Variants in ZBTB7C observed in about 807,000 individuals in gnomAD.
The protein encoded by ZBTB7C is zinc finger and BTB domain-containing protein 7C.
Under a neutral mutation model 25.7 loss-of-function variants are expected in ZBTB7C, and 8 were observed. The observed-to-expected ratio is 0.31, with a 90% CI of 0.18 to 0.56. The LOEUF (loss-of-function observed/expected upper bound fraction) is 0.56. Among genes scored for constraint, ZBTB7C ranks in the 20% least tolerant of loss-of-function variants. The pLI is 0.91. For synonymous variants in ZBTB7C, 394 were observed against 369.0 expected (o/e 1.07, Z -0.78); for missense variants, 824 against 855.2 (o/e 0.96, Z 0.46).
chr18:48,033,931 G>A (rs928924377), intron 4 of ZBTB7C, among the ~76,000 whole-genome samples: 1 of 152,178 alleles, frequency 6.6e-6, no homozygotes, highest in African/African-American at 2.4e-5. Flanking sequence ...GGGTTGGGCT[G>A]CATCCTTGGG....
At chr18:48,351,152 C>A (rs141036724) in intron 1 of ZBTB7C, among the ~76,000 whole-genome samples, 1 of 152,076 alleles carries the variant, frequency 6.6e-6, no homozygotes, top group Non-Finnish European at 1.5e-5. Flanking sequence ...ACACACACTC[C>A]CCACCCCAAG....
chr18:48,179,060 C>T (rs777107371), intron 3 of ZBTB7C, among the ~76,000 whole-genome samples: 4 of 152,174 alleles, frequency 2.6e-5, no homozygotes, highest in Admixed American at 1.3e-4. Flanking sequence ...ACTGCCTTGC[C>T]GTTTCCTTGG....
At chr18:48,317,988 C>A (rs983425490) in intron 2 of ZBTB7C, among the ~76,000 whole-genome samples, 1 of 152,148 alleles carries the variant, frequency 6.6e-6, no homozygotes, top group African/African-American at 2.4e-5. Context: ...TTCCTCACCC[C>A]CTGCCCATCT....
intron 3 of ZBTB7C, among the ~76,000 whole-genome samples, chr18:48,172,270 G>T (rs909870607): frequency 2.0e-5 from 3 of 152,202 alleles, no homozygotes; most frequent in African/African-American, 7.2e-5. Flanking sequence ...GGGAAGATGG[G>T]TCTGCATCAG....
At chr18:48,213,726 T>C (rs2042756423) in intron 2 of ZBTB7C, among the ~76,000 whole-genome samples, 1 of 152,250 alleles carries the variant, frequency 6.6e-6, no homozygotes, top group African/African-American at 2.4e-5. Context: ...CTGACTGTTC[T>C]GACCCCAATG....
chr18:48,050,799 GTC>G (rs941704350), intron 3 of ZBTB7C, among the ~76,000 whole-genome samples: 7 of 152,100 alleles, frequency 4.6e-5, no homozygotes, highest in African/African-American at 1.7e-4. Context: ...AGTCACTCAA[GTC>G]TCTGCTTCAT....
At chr18:48,211,268 A>C (rs2044076291) in intron 2 of ZBTB7C, among the ~76,000 whole-genome samples, 1 of 152,176 alleles carries the variant, frequency 6.6e-6, no homozygotes, top group Non-Finnish European at 1.5e-5. Flanking sequence ...AACCTAGATG[A>C]CCTTGTGTAT....
chr18:48,269,625 A>T (rs926397434), intron 2 of ZBTB7C, among the ~76,000 whole-genome samples: 4 of 152,242 alleles, frequency 2.6e-5, no homozygotes, highest in African/African-American at 9.6e-5. Context: ...CCATGCTCAA[A>T]GTGAAATCCA....
At chr18:48,282,610 C>T (rs576352282) in intron 2 of ZBTB7C, among the ~76,000 whole-genome samples, 1 of 151,974 alleles carries the variant, frequency 6.6e-6, no homozygotes, top group Non-Finnish European at 1.5e-5. Context: ...ATCTAAATGC[C>T]CACCTACAAT....
rs570170142 is a variant in ZBTB7C at position 48,178,760 on chromosome 18, A to T, written c.-17+7174T>A. Among the ~76,000 whole-genome samples, 30 of 152,300 alleles carry T rather than the reference A, an allele frequency of 2.0e-4. No homozygotes were observed. In the South Asian group the frequency reaches 2.9e-3, roughly 15 times the overall value. On this transcript the variant is annotated intron_variant, in intron 3 of 4. Transcript: ENST00000590800. ...GAAGGCCTTTCATGTGGAAGCCTCTATCAGGTCCATTCTGTTCTCCTGCTT... is the reference window on the plus strand; with the variant it reads ...GAAGGCCTTTCATGTGGAAGCCTCTTTCAGGTCCATTCTGTTCTCCTGCTT...
intron 3 of ZBTB7C, chr18:48,149,986 T>A (rs1476037857): frequency 6.6e-6 from 1 of 151,948 alleles, no homozygotes; most frequent in African/African-American, 2.4e-5. Flanking sequence ...ATATCTTTAG[T>A]AGAGACGGGG....
At chr18:48,384,704 T>C (rs184657810) in intron 1 of ZBTB7C, among the ~76,000 whole-genome samples, 13 of 152,264 alleles carry the variant, frequency 8.5e-5, no homozygotes, top group Non-Finnish European at 1.9e-4. Context: ...TTTTTTGAGA[T>C]TGAGTCTCGC....
At chr18:48,317,624 G>A (rs182727814) in intron 2 of ZBTB7C, among the ~76,000 whole-genome samples, 2 of 152,190 alleles carry the variant, frequency 1.3e-5, no homozygotes, top group Middle Eastern at 3.2e-3. Flanking sequence ...TGGCTGCCAC[G>A]TGCCAAGCTT....
chr18:48,050,156 C>T (rs1456988154), intron 3 of ZBTB7C, among the ~76,000 whole-genome samples: 1 of 152,182 alleles, frequency 6.6e-6, no homozygotes, highest in African/African-American at 2.4e-5. Context: ...CACTGAAATC[C>T]ACAAAGGGGT....
At chr18:48,233,847 G>A (rs2043313844) in intron 2 of ZBTB7C, among the ~76,000 whole-genome samples, 1 of 152,192 alleles carries the variant, frequency 6.6e-6, no homozygotes, top group Non-Finnish European at 1.5e-5. Flanking sequence ...CAAAGGCCGA[G>A]AAATTCTAGA....
intron 3 of ZBTB7C, among the ~76,000 whole-genome samples, chr18:48,050,141 G>A (rs1197088425): frequency 6.6e-6 from 1 of 152,202 alleles, no homozygotes; most frequent in Non-Finnish European, 1.5e-5. Flanking sequence ...CTCGTGGTCT[G>A]TAGGCACTGA....
intron 3 of ZBTB7C, among the ~76,000 whole-genome samples, chr18:48,098,854 AG>A (rs2038733338): frequency 6.6e-6 from 1 of 152,176 alleles, no homozygotes. Flanking sequence ...GAAATTGGAG[AG>A]GCCATGAGGC....
At chr18:48,050,619 C>T (rs1191415889) in intron 3 of ZBTB7C, among the ~76,000 whole-genome samples, 1 of 152,198 alleles carries the variant, frequency 6.6e-6, no homozygotes, top group East Asian at 1.9e-4. Flanking sequence ...CCACCTCACA[C>T]AATTGTGCAC....
chr18:48,328,181 C>CAAAA (rs55654378), intron 2 of ZBTB7C, among the ~76,000 whole-genome samples: 1 of 58,838 alleles, frequency 1.7e-5, no homozygotes. Context: ...GACTCTGTCT[C>CAAAA]AAAAAAAAAA....
Sources: gnomAD v4.1 joint callset for allele counts (sites outside exome capture counted in the v4.1 genomes callset) on GRCh38, gnomAD v4.1.1 for gene constraint, MANE v1.5 for transcripts, NCBI Gene and HGNC (gene_info 2026-07-23, HGNC 2026-07-21) for gene names.